CDH23: variants seen among roughly 807,000 people sequenced by gnomAD.
The protein encoded by CDH23 is cadherin-23.
A neutral mutation model predicts 317.1 loss-of-function variants in CDH23; 189 were observed. The ratio of observed to expected loss-of-function variants is 0.60; its 90% CI spans 0.53 to 0.67. The LOEUF (loss-of-function observed/expected upper bound fraction) is 0.67, where lower values mean the gene tolerates loss of function less well. Ranked by LOEUF, CDH23 falls within the 30% of genes least tolerant of loss-of-function variation. The pLI is 0.00. For missense variants in CDH23, 4,401 were observed against 4,592.4 expected (o/e 0.96, Z 1.20); for synonymous variants, 1,839 against 1,876.8 (o/e 0.98, Z 0.52).
intron 1 of CDH23, among the ~76,000 whole-genome samples, chr10:71,407,918 A>G (rs1311027798): frequency 6.6e-6 from 1 of 152,146 alleles, no homozygotes; most frequent in East Asian, 1.9e-4. Flanking sequence ...CTGACCAATC[A>G]CTTGATTCAG....
intron 38 of CDH23, chr10:71,773,350 G>A: frequency 6.2e-7 from 1 of 1,603,956 alleles, no homozygotes; most frequent in African/African-American, 1.3e-5. Flanking sequence ...CGCCTCCCCC[G>A]ACCTTACCTA....
intron 6 of CDH23, among the ~76,000 whole-genome samples, chr10:71,524,324 G>A (rs151198400): frequency 1.1e-3 from 166 of 152,258 alleles, no homozygotes; most frequent in African/African-American, 3.8e-3. Flanking sequence ...CCGCTCCTCT[G>A]TAGCCCATAT....
At chr10:71,770,291 G>A (rs1840657450) in intron 38 of CDH23, among the ~76,000 whole-genome samples, 1 of 152,360 alleles carries the variant, frequency 6.6e-6, no homozygotes, top group Non-Finnish European at 1.5e-5. Flanking sequence ...AAGGGAGGTG[G>A]TATCATCTTC....
At chr10:71,403,334 T>TCTTC (rs1847883458) in intron 1 of CDH23, among the ~76,000 whole-genome samples, 1 of 47,912 alleles carries the variant, frequency 2.1e-5, no homozygotes, top group Admixed American at 2.1e-4. Flanking sequence ...TTCCTTTCTT[T>TCTTC]CTTTCTTTCT....
At chr10:71,698,830 C>T (rs2080666614) in intron 22 of CDH23, among the ~76,000 whole-genome samples, 3 of 152,190 alleles carry the variant, frequency 2.0e-5, no homozygotes, top group African/African-American at 7.2e-5. Flanking sequence ...TTAAGAGGCA[C>T]GTGGTTTAGT....
chr10:71,694,456 C>T (rs1428001459), intron 21 of CDH23, among the ~76,000 whole-genome samples, 197 bp downstream of exon 21: 1 of 152,106 alleles, frequency 6.6e-6, no homozygotes, highest in East Asian at 1.9e-4. Flanking sequence ...GGCATCACCA[C>T]CAGGAATGTA....
chr10:71,670,113 C>T (rs1222168294), intron 14 of CDH23, among the ~76,000 whole-genome samples: 1 of 152,252 alleles, frequency 6.6e-6, no homozygotes, highest in Non-Finnish European at 1.5e-5. Context: ...ATCCTCTGTG[C>T]CTGTCTCCTT....
intron 38 of CDH23, among the ~76,000 whole-genome samples, chr10:71,758,500 G>A (rs1366785662): frequency 6.6e-6 from 1 of 152,202 alleles, no homozygotes; most frequent in Admixed American, 6.5e-5. Context: ...TTAGGGCAGT[G>A]CCCTCTTACC....
intron 1 of CDH23, among the ~76,000 whole-genome samples, chr10:71,414,390 A>G (rs1848455587): frequency 6.6e-6 from 1 of 152,108 alleles, no homozygotes; most frequent in African/African-American, 2.4e-5. Flanking sequence ...ATTTTATCAA[A>G]TGTATGTTTG....
intron 9 of CDH23, among the ~76,000 whole-genome samples, chr10:71,594,461 C>T (rs1859709627): frequency 6.6e-6 from 1 of 152,168 alleles, no homozygotes; most frequent in African/African-American, 2.4e-5. Flanking sequence ...ACAAACTCCG[C>T]CTCCTGAGTT....
At chr10:71,712,901 A>G in intron 28 of CDH23, 88 bp downstream of exon 28, 1 of 1,490,730 alleles carries the variant, frequency 6.7e-7, no homozygotes, top group East Asian at 2.4e-5. Context: ...CAGTGGCACC[A>G]GAGGCGGAAG....
chr10:71,646,681 G>T (rs764420659), intron 14 of CDH23, 64 bp downstream of exon 14: 5 of 1,613,768 alleles, frequency 3.1e-6, no homozygotes, highest in Non-Finnish European at 4.2e-6. Context: ...GAGGCACCCA[G>T]AGGGATTTTG....
At chr10:71,541,607 C>G (rs557348755) in intron 6 of CDH23, among the ~76,000 whole-genome samples, 47 of 152,322 alleles carry the variant, frequency 3.1e-4, no homozygotes, top group African/African-American at 1.1e-3. Context: ...GTTTCTGCAC[C>G]CAGCTCCCTC....
Position 71,463,599 on chromosome 10 carries a change from A to G in CDH23, c.145+17204A>G, listed in dbSNP as rs74785347. 2.4e-3 allele frequency among the ~76,000 whole-genome samples: 360 copies of G among 152,304 alleles called. 1 individual carries two copies. Among genetic ancestry groups the G allele is most frequent in the African/African-American group, 8.3e-3 (345 of 41,580 alleles). ...TGAAGGGAGGGTGGGGGAAGTTAGTATTCCCTTACCTGCCATCTCTCCTGC... is the reference window on the plus strand; with the variant it reads ...TGAAGGGAGGGTGGGGGAAGTTAGTGTTCCCTTACCTGCCATCTCTCCTGC... On this transcript the variant is annotated intron_variant, in intron 3 of 69. Transcript: ENST00000224721.
At chr10:71,683,944 C>T (rs563007127) in intron 18 of CDH23, among the ~76,000 whole-genome samples, 1 of 151,870 alleles carries the variant, frequency 6.6e-6, no homozygotes, top group East Asian at 1.9e-4. Context: ...AGCCAGGCAT[C>T]GTGGCAGGTG....
In CDH23 at chr10:71,793,430, A is replaced by G. The variant is rs1433013026; in HGVS notation, c.6502A>G (p.Asn2168Asp). The G allele has an allele frequency of 1.2e-6, 2 of 1,613,860 alleles. No individual in the cohort carries two copies. The highest frequency in any genetic ancestry group is 2.7e-5 in the African/African-American group (2 of 74,922). ...TGTCACCATTCTGATCGATGACATC[A>G]ATGACTCCCGCCCCGAGTTCCTCAA... ...AIVTILIDDINDSRPEFLNPI... is the reference protein window; with the variant it reads ...AIVTILIDDIDDSRPEFLNPI... Residue 2168 changes from asparagine (N) to aspartate (D), a missense_variant, in exon 48 of 70, where the codon AAT becomes GAT. By Grantham distance (23) the Asn-to-Asp change is conservative (BLOSUM62 1). This residue lies in a region of CDH23 where 3,068 missense variants were observed against 3,203.3 expected (regional missense o/e 0.96). Coordinates refer to ENST00000224721, the MANE Select transcript of CDH23 (RefSeq NM_022124.6).
intron 27 of CDH23, 76 bp downstream of exon 27, chr10:71,709,287 T>G: frequency 7.4e-7 from 1 of 1,353,530 alleles, no homozygotes; most frequent in South Asian, 1.2e-5. Context: ...GGAGCTGGCC[T>G]TTTGCTAAAG....
intron 6 of CDH23, among the ~76,000 whole-genome samples, chr10:71,515,526 A>AG (rs1854283449): frequency 6.8e-6 from 1 of 147,978 alleles, no homozygotes; most frequent in African/African-American, 2.6e-5. Flanking sequence ...GGATCTGCCC[A>AG]ATTTTTTTTT....
At chr10:71,684,482 G>A (rs1368484562) in intron 18 of CDH23, among the ~76,000 whole-genome samples, 2 of 152,202 alleles carry the variant, frequency 1.3e-5, no homozygotes, top group African/African-American at 4.8e-5. Context: ...TGTGGAAAGA[G>A]GGGTGTGGCT....
Sources: allele counts gnomAD v4.1 joint callset (sites outside exome capture counted in the v4.1 genomes callset), GRCh38; gene constraint gnomAD v4.1.1; regional missense constraint gnomAD v4.1.1; transcripts MANE v1.5; gene names NCBI Gene and HGNC (gene_info 2026-07-23, HGNC 2026-07-21).